The following CNTNAP5 variants were observed in gnomAD, a reference collection of about 807,000 sequenced individuals.
The protein encoded by CNTNAP5 is contactin associated protein family member 5.
In CNTNAP5, 72 loss-of-function variants were observed where a neutral mutation model predicts 150.2. The observed-to-expected ratio is 0.48, with a 90% CI of 0.40 to 0.58. The LOEUF (loss-of-function observed/expected upper bound fraction) is 0.58, where lower values mean the gene tolerates loss of function less well. CNTNAP5 is among the 20% of genes least tolerant of loss of function. CNTNAP5 has a pLI of 0.00. For missense variants in CNTNAP5, 1,636 were observed against 1,626.2 expected, an observed-to-expected ratio of 1.01 and a Z score of -0.10; for synonymous variants, 672 against 619.8, an observed-to-expected ratio of 1.08 and a Z score of -1.25.
chr2:124,510,489 A>G lies in CNTNAP5; in HGVS notation c.1327+5933A>G, dbSNP rs1434945306. Among the ~76,000 whole-genome samples the G allele has an allele frequency of 1.9e-3, 60 of 31,394 alleles. 1 individual carries two copies. Among genetic ancestry groups the G allele is most frequent in the African/African-American group, 5.9e-3 (47 of 7,964 alleles). 20.6% of individuals were successfully genotyped at this position (31,394 alleles called of 152,430 possible). On this transcript the variant is annotated intron_variant, in intron 8 of 23. Transcript: ENST00000682447. ...ATTTTATGTATGTGTATATATATAT[A>G]TATATATATATATATATATATATAT...
At chr2:124,599,825 C>T (rs1282643601) in intron 11 of CNTNAP5, among the ~76,000 whole-genome samples, 2 of 151,790 alleles carry the variant, frequency 1.3e-5, no homozygotes, top group East Asian at 1.9e-4. Flanking sequence ...CAGCCTCAAA[C>T]TCATGGGTTG....
chr2:124,311,928 C>G (rs944017453), intron 3 of CNTNAP5, among the ~76,000 whole-genome samples: 1 of 152,132 alleles, frequency 6.6e-6, no homozygotes, highest in African/African-American at 2.4e-5. Flanking sequence ...GCTCATGGTA[C>G]TGCAGGGTAC....
intron 1 of CNTNAP5, among the ~76,000 whole-genome samples, chr2:124,205,630 C>T (rs955721717): frequency 1.1e-4 from 16 of 151,992 alleles, no homozygotes; most frequent in African/African-American, 2.7e-4. Flanking sequence ...TGTTGGCCAG[C>T]TTGTCTTGTG....
At chr2:124,229,734 T>C (rs1686566032) in intron 2 of CNTNAP5, among the ~76,000 whole-genome samples, 2 of 152,086 alleles carry the variant, frequency 1.3e-5, no homozygotes, top group Admixed American at 1.3e-4. Context: ...CCGCAGGAAG[T>C]GCAGGGGTTG....
intron 16 of CNTNAP5, among the ~76,000 whole-genome samples, chr2:124,768,304 TGTG>T (rs1410617600): frequency 5.4e-5 from 8 of 148,756 alleles, no homozygotes; most frequent in African/African-American, 2.0e-4. Context: ...TGTGTGTGTG[TGTG>T]TGTATATGTA....
chr2:124,736,713 A>G (rs934836188), intron 13 of CNTNAP5, among the ~76,000 whole-genome samples: 1 of 152,230 alleles, frequency 6.6e-6, no homozygotes, highest in African/African-American at 2.4e-5. Flanking sequence ...ATGCACCTAT[A>G]TAGAAGCTAA....
intron 1 of CNTNAP5, among the ~76,000 whole-genome samples, chr2:124,029,332 C>A (rs115445754): frequency 0.035 from 5,259 of 152,090 alleles, 124 homozygotes; most frequent in Middle Eastern, 0.071. Flanking sequence ...TCAGCAGCAA[C>A]TTTTTGTGGC....
intron 10 of CNTNAP5, among the ~76,000 whole-genome samples, chr2:124,528,480 A>C (rs1558941085): frequency 1.3e-5 from 2 of 152,202 alleles, no homozygotes; most frequent in South Asian, 4.1e-4. Context: ...ATGGATTGCA[A>C]GTATTTCATC....
At chr2:124,136,853 G>A (rs990870171) in intron 1 of CNTNAP5, among the ~76,000 whole-genome samples, 1 of 152,128 alleles carries the variant, frequency 6.6e-6, no homozygotes, top group Admixed American at 6.5e-5. Context: ...GAAAAGCTCT[G>A]GTGAGTGAAA....
intron 11 of CNTNAP5, among the ~76,000 whole-genome samples, chr2:124,588,165 CTTCCTTCCTTCCTTCTTTCT>C: frequency 1.2e-5 from 1 of 81,238 alleles, no homozygotes; most frequent in African/African-American, 4.3e-5. Context: ...CTTTTCCTTC[CTTCCTTCCTTCCTTCTTTCT>C]TTCTTTCTTT....
intron 1 of CNTNAP5, among the ~76,000 whole-genome samples, chr2:124,059,242 G>T (rs1448406435): frequency 6.6e-6 from 1 of 151,914 alleles, no homozygotes; most frequent in Non-Finnish European, 1.5e-5. Flanking sequence ...AAAACTAATG[G>T]CCTCACTAGA....
intron 14 of CNTNAP5, among the ~76,000 whole-genome samples, chr2:124,759,479 C>A (rs1322564824): frequency 6.9e-6 from 1 of 145,984 alleles, no homozygotes; most frequent in East Asian, 2.0e-4. Flanking sequence ...GAATGTTCTA[C>A]AAATTATGAC....
At chr2:124,705,727 G>C (rs17321198) in intron 13 of CNTNAP5, among the ~76,000 whole-genome samples, 24,561 of 150,158 alleles carry the variant, frequency 0.16, 2,268 homozygotes, top group East Asian at 0.24. Flanking sequence ...AAAATGAGTA[G>C]CGTAAAAATC....
Position 124,273,599 on chromosome 2 carries a change from A to G in CNTNAP5, c.381+31206A>G, listed in dbSNP as rs143608589. On this transcript the variant is annotated intron_variant, in intron 3 of 23. Transcript: ENST00000682447. ...TGCTTTCAGGATGGATGCCATGTTG[A>G]CCTACCAACCCTGGAAAGGAACAAA... 1.1e-3 allele frequency among the ~76,000 whole-genome samples: 161 copies of G among 152,202 alleles called. 1 individual carries two copies. The highest frequency in any genetic ancestry group is 3.7e-3 in the African/African-American group (155 of 41,532).
rs191027725 is a variant in CNTNAP5 at position 124,417,544 on chromosome 2, C to A, written c.483C>A (p.Pro161=). ...FVRFVPLEWN[P]SGKIGMRVEV... ...GCTTTGTGCCCCTGGAATGGAATCC[C>A]AGTGGGAAGATTGGCATGAGAGTCG... Residue 161 remains proline (P), a synonymous_variant, in exon 4 of 24, where the codon CCC becomes CCA. Coordinates refer to ENST00000682447, the MANE Select transcript of CNTNAP5 (RefSeq NM_001367498.1). The A allele has an allele frequency of 6.8e-5, 110 of 1,613,734 alleles. 1 individual carries two copies. The East Asian group carries it at 2.4e-3, about 36-fold the overall frequency.
intron 13 of CNTNAP5, among the ~76,000 whole-genome samples, chr2:124,661,141 A>T (rs920024041): frequency 1.3e-5 from 2 of 152,030 alleles, no homozygotes; most frequent in Admixed American, 1.3e-4. Flanking sequence ...AGGCTACACT[A>T]CATTTAAAAA....
intron 3 of CNTNAP5, among the ~76,000 whole-genome samples, chr2:124,268,280 G>C (rs779154906): frequency 8.5e-5 from 13 of 152,140 alleles, no homozygotes; most frequent in Non-Finnish European, 1.8e-4. Context: ...GTTTTGTTGT[G>C]TTTTCCCTTC....
intron 13 of CNTNAP5, among the ~76,000 whole-genome samples, chr2:124,702,346 CTTTTTTTTTTTTTTTTTTTTTTTTTTTT>C (rs71412792): frequency 0.028 from 1,473 of 52,196 alleles, 33 homozygotes; most frequent in African/African-American, 0.1. Context: ...ACTATGAACA[CTTTTTTTTTTTTTTTTTTTTTTTTTTTT>C]TTTTTTTTTT....
At chr2:124,125,733 G>C (rs964714062) in intron 1 of CNTNAP5, among the ~76,000 whole-genome samples, 37 of 152,046 alleles carry the variant, frequency 2.4e-4, no homozygotes, top group Non-Finnish European at 4.6e-4. Flanking sequence ...ACAGTGCAAT[G>C]AAACTAGAAC....
Sources: allele counts gnomAD v4.1 joint callset (sites outside exome capture counted in the v4.1 genomes callset), GRCh38; gene constraint gnomAD v4.1.1; transcripts MANE v1.5; gene names NCBI Gene and HGNC (gene_info 2026-07-23, HGNC 2026-07-21).